The following PDZRN4 variants were observed in gnomAD, a reference collection of about 807,000 sequenced individuals.
The protein encoded by PDZRN4 is PDZ domain containing ring finger 4.
A neutral mutation model predicts 99.0 loss-of-function variants in PDZRN4; 70 were observed. The ratio of observed to expected loss-of-function variants is 0.71; its 90% confidence interval spans 0.58 to 0.86. The LOEUF (loss-of-function observed/expected upper bound fraction) is 0.86, where lower values mean the gene tolerates loss of function less well. PDZRN4 is among the 40% of genes least tolerant of loss of function. PDZRN4 has a pLI of 0.00. For missense variants in PDZRN4, 1,474 were observed against 1,331.2 expected (o/e 1.11, Z -1.67); for synonymous variants, 551 against 501.6 (o/e 1.10, Z -1.32).
intron 3 of PDZRN4, among the ~76,000 whole-genome samples, chr12:41,307,402 C>A (rs967615213): frequency 3.3e-5 from 5 of 152,098 alleles, no homozygotes; most frequent in Admixed American, 3.3e-4. Flanking sequence ...AGAGCTCTGT[C>A]TCTCACTTGT....
At chr12:41,440,933 C>A (rs940618520) in intron 3 of PDZRN4, among the ~76,000 whole-genome samples, 5 of 152,078 alleles carry the variant, frequency 3.3e-5, no homozygotes, top group Non-Finnish European at 5.9e-5. Context: ...CCCATCTGGA[C>A]CAAGAGAGCT....
At chr12:41,484,589 G>A (rs867775683) in intron 3 of PDZRN4, among the ~76,000 whole-genome samples, 2 of 152,162 alleles carry the variant, frequency 1.3e-5, no homozygotes, top group Non-Finnish European at 2.9e-5. Context: ...CTTGTGAATA[G>A]TACGTGCTTT....
At chr12:41,250,830 A>G (rs374638032) in intron 3 of PDZRN4, among the ~76,000 whole-genome samples, 1 of 152,234 alleles carries the variant, frequency 6.6e-6, no homozygotes, top group African/African-American at 2.4e-5. Context: ...TATCTTCATA[A>G]TAAGCAGATG....
intron 5 of PDZRN4, among the ~76,000 whole-genome samples, chr12:41,546,120 T>C (rs1374752509): frequency 6.6e-6 from 1 of 152,196 alleles, no homozygotes; most frequent in Non-Finnish European, 1.5e-5. Context: ...CAAATTGTGG[T>C]AATGAACGTA....
At chr12:41,450,297 C>T (rs1047910133) in intron 3 of PDZRN4, among the ~76,000 whole-genome samples, 1 of 151,958 alleles carries the variant, frequency 6.6e-6, no homozygotes, top group African/African-American at 2.4e-5. Flanking sequence ...CCTCATATGC[C>T]CAATATCAGT....
intron 3 of PDZRN4, among the ~76,000 whole-genome samples, chr12:41,241,635 CACTT>C (rs1439526426): frequency 2.6e-5 from 4 of 152,124 alleles, no homozygotes; most frequent in East Asian, 1.9e-4. Flanking sequence ...AATATTGAAA[CACTT>C]AATATAGTGC....
At chr12:41,423,698 A>T (rs953524432) in intron 3 of PDZRN4, among the ~76,000 whole-genome samples, 1 of 151,932 alleles carries the variant, frequency 6.6e-6, no homozygotes, top group East Asian at 1.9e-4. Context: ...TTGCCATTGG[A>T]CTCCTACTCC....
intron 3 of PDZRN4, among the ~76,000 whole-genome samples, chr12:41,463,729 G>T (rs934825719): frequency 1.3e-5 from 2 of 152,148 alleles, no homozygotes; most frequent in East Asian, 3.9e-4. Context: ...AACAGAAATT[G>T]TAGGTTACTC....
intron 5 of PDZRN4, among the ~76,000 whole-genome samples, chr12:41,532,227 CTGTATA>C (rs1327980126): frequency 2.6e-5 from 4 of 152,168 alleles, no homozygotes; most frequent in Non-Finnish European, 5.9e-5. Context: ...AATCAAGTTT[CTGTATA>C]TGTATGAGTC....
intron 3 of PDZRN4, among the ~76,000 whole-genome samples, chr12:41,246,668 A>G (rs185554690): frequency 1.3e-5 from 2 of 152,272 alleles, no homozygotes; most frequent in East Asian, 3.9e-4. Flanking sequence ...TCCTACAGCA[A>G]CTGTTTCTGC....
intron 2 of PDZRN4, among the ~76,000 whole-genome samples, chr12:41,191,765 TTTA>T (rs1359983410): frequency 4.5e-5 from 4 of 88,600 alleles, no homozygotes; most frequent in East Asian, 3.1e-4. Context: ...TATTTATTTA[TTTA>T]TTTATTTATT....
chr12:41,220,259 T>G (rs896233687), intron 3 of PDZRN4, among the ~76,000 whole-genome samples: 2 of 152,260 alleles, frequency 1.3e-5, no homozygotes, highest in African/African-American at 4.8e-5. Context: ...TCCTTTTTCC[T>G]TGGCATGTAG....
At chr12:41,285,639 T>C (rs1951417675) in intron 3 of PDZRN4, among the ~76,000 whole-genome samples, 1 of 151,866 alleles carries the variant, frequency 6.6e-6, no homozygotes, top group South Asian at 2.1e-4. Context: ...ACAAAGAAAA[T>C]ATGGCACATG....
At chr12:41,501,085 A>G (rs882949) in intron 3 of PDZRN4, among the ~76,000 whole-genome samples, 3,515 of 152,192 alleles carry the variant, frequency 0.023, 74 homozygotes, top group South Asian at 0.054. Flanking sequence ...CTTATCCTCA[A>G]TTTCAAATTC....
chr12:41,437,952 G>T (rs1189462601), intron 3 of PDZRN4: 1 of 1,614,000 alleles, frequency 6.2e-7, no homozygotes, highest in African/African-American at 1.3e-5. Flanking sequence ...AGAATGGGCT[G>T]CAATTTGTGC....
At chr12:41,339,332 A>T (rs1409430128) in intron 3 of PDZRN4, among the ~76,000 whole-genome samples, 1 of 152,038 alleles carries the variant, frequency 6.6e-6, no homozygotes, top group African/African-American at 2.4e-5. Context: ...GGGAAAGAAT[A>T]CTCTTTTCAC....
intron 3 of PDZRN4, among the ~76,000 whole-genome samples, chr12:41,222,731 G>T (rs1950965867): frequency 6.6e-6 from 1 of 151,942 alleles, no homozygotes; most frequent in Non-Finnish European, 1.5e-5. Context: ...CATCATATTG[G>T]CCAGGGTGAT....
Position 41,471,571 on chromosome 12 carries a change from T to C in PDZRN4, c.844-34885T>C, listed in dbSNP as rs373391801. ...ATTTCTATAATAAATAGTAATTATT[T>C]ATTCTATAAATTTGAATAGACCATT... On this transcript the variant is annotated intron_variant, in intron 3 of 9. Transcript: ENST00000402685. Among the ~76,000 whole-genome samples the C allele has an allele frequency of 1.7e-4, 26 of 149,978 alleles. No homozygotes were observed. In the East Asian group the frequency reaches 2.9e-3, roughly 17 times the overall value.
intron 3 of PDZRN4, among the ~76,000 whole-genome samples, chr12:41,464,880 A>T (rs1413281788): frequency 2.3e-5 from 3 of 132,576 alleles, no homozygotes; most frequent in African/African-American, 8.9e-5. Flanking sequence ...GCTGGAATGT[A>T]GTGGCGTGAT....
Sources: gnomAD v4.1 joint callset for allele counts (sites outside exome capture counted in the v4.1 genomes callset) on GRCh38, gnomAD v4.1.1 for gene constraint, MANE v1.5 for transcripts, NCBI Gene and HGNC (gene_info 2026-07-23, HGNC 2026-07-21) for gene names.